HLCS: variants seen among roughly 807,000 people sequenced by gnomAD.
The protein encoded by HLCS is holocarboxylase synthetase.
A neutral mutation model predicts 75.0 loss-of-function variants in HLCS; 53 were observed. The ratio of observed to expected loss-of-function variants is 0.71; its 90% CI spans 0.57 to 0.89. HLCS has a LOEUF of 0.89. Ranked by LOEUF, HLCS falls within the 40% of genes least tolerant of loss-of-function variation. HLCS has a pLI of 0.00. For synonymous variants in HLCS, 431 were observed against 428.6 expected, an observed-to-expected ratio of 1.01 and a Z score of -0.07; for missense variants, 966 against 1,074.0, an observed-to-expected ratio of 0.90 and a Z score of 1.41.
chr21:36,953,334 A>G (rs1437135979), intron 2 of HLCS, among the ~76,000 whole-genome samples: 1 of 152,172 alleles, frequency 6.6e-6, no homozygotes, highest in Non-Finnish European at 1.5e-5. Context: ...GGCTAGATGA[A>G]GCTGACACTG....
intron 6 of HLCS, among the ~76,000 whole-genome samples, chr21:36,863,780 C>A (rs1024511263): frequency 6.6e-6 from 1 of 152,178 alleles, no homozygotes; most frequent in Non-Finnish European, 1.5e-5. Flanking sequence ...CTGCTCAAGA[C>A]CCAACAATTC....
At chr21:36,798,951 C>A (rs751721339) in intron 6 of HLCS, among the ~76,000 whole-genome samples, 17 of 152,272 alleles carry the variant, frequency 1.1e-4, no homozygotes, top group African/African-American at 2.9e-4. Flanking sequence ...ATATGTCTTG[C>A]AAATATTTTC....
At chr21:36,850,982 A>G (rs1185609828) in intron 6 of HLCS, among the ~76,000 whole-genome samples, 1 of 152,184 alleles carries the variant, frequency 6.6e-6, no homozygotes, top group Non-Finnish European at 1.5e-5. Context: ...GCTGTAGCCT[A>G]CGGCCACAGG....
chr21:36,809,650 TC>T (rs1216515831), intron 6 of HLCS, among the ~76,000 whole-genome samples: 2 of 152,222 alleles, frequency 1.3e-5, no homozygotes, highest in Non-Finnish European at 2.9e-5. Context: ...TCCATTTGGT[TC>T]TTCTTTTTAT....
chr21:36,866,224 G>GA (rs1302519466), intron 6 of HLCS, among the ~76,000 whole-genome samples: 5 of 151,686 alleles, frequency 3.3e-5, no homozygotes, highest in Non-Finnish European at 5.9e-5. Flanking sequence ...GAATGGTAAG[G>GA]GAAGGGCAGA....
intron 6 of HLCS, among the ~76,000 whole-genome samples, chr21:36,839,332 G>A (rs1486386564): frequency 6.6e-6 from 1 of 152,112 alleles, no homozygotes; most frequent in Non-Finnish European, 1.5e-5. Context: ...TGAAACTGCT[G>A]ACCATCTTCT....
At chr21:36,768,670 G>T (rs78884105) in intron 6 of HLCS, among the ~76,000 whole-genome samples, 2,163 of 152,326 alleles carry the variant, frequency 0.014, 55 homozygotes, top group African/African-American at 0.05. Context: ...CGCTTTCGGC[G>T]AGCAGGCTGG....
chr21:36,977,197 A>G (rs762767198), intron 1 of HLCS, among the ~76,000 whole-genome samples: 2 of 152,082 alleles, frequency 1.3e-5, no homozygotes, highest in Admixed American at 6.6e-5. Flanking sequence ...ATCTTCGTCC[A>G]GCAGAGGGGA....
rs1257097789 is a variant in HLCS at position 36,906,965 on chromosome 21, A to G, written c.1621-9834T>C. ...TGCGCTACCACCCAGTGGGGAGTGC[A>G]GTGGTGTGATTACAGCTCACTGCAG... On this transcript the variant is annotated intron_variant, in intron 5 of 10. Transcript: ENST00000674895. Among the ~76,000 whole-genome samples, 5 of 152,248 alleles carry G rather than the reference A, an allele frequency of 3.3e-5. No homozygotes were observed. In the East Asian group the frequency reaches 9.7e-4, roughly 29 times the overall value.
At chr21:36,793,465 A>ATG (rs2060934591) in intron 6 of HLCS, among the ~76,000 whole-genome samples, 1 of 151,678 alleles carries the variant, frequency 6.6e-6, no homozygotes, top group Admixed American at 6.6e-5. Flanking sequence ...CCATGCCCAA[A>ATG]TAATTTTTGT....
chr21:36,970,160 A>C (rs1054480221), upstream of HLCS, among the ~76,000 whole-genome samples: 17 of 152,152 alleles, frequency 1.1e-4, no homozygotes, highest in Admixed American at 3.3e-4. Context: ...ACTGACATTA[A>C]CTCAGTACCT....
At chr21:36,879,493 T>G (rs1387827511) in intron 6 of HLCS, among the ~76,000 whole-genome samples, 4 of 152,212 alleles carry the variant, frequency 2.6e-5, no homozygotes, top group Non-Finnish European at 4.4e-5. Flanking sequence ...AACAAACATA[T>G]TAAATACCAT....
At chr21:36,888,441 AAAAAATATATATATAT>A (rs1452366185) in intron 6 of HLCS, among the ~76,000 whole-genome samples, 21 of 31,544 alleles carry the variant, frequency 6.7e-4, no homozygotes, top group African/African-American at 2.2e-3. Flanking sequence ...TTAAAAAAAA[AAAAAATATATATATAT>A]ATATATATAT....
intron 6 of HLCS, among the ~76,000 whole-genome samples, chr21:36,771,690 G>A (rs1266215195): frequency 1.3e-5 from 2 of 152,094 alleles, no homozygotes; most frequent in African/African-American, 4.8e-5. Flanking sequence ...GTCCAATCAT[G>A]TTTTGAAGTA....
chr21:36,797,216 T>A (rs1338544807), intron 6 of HLCS, among the ~76,000 whole-genome samples: 1 of 152,068 alleles, frequency 6.6e-6, no homozygotes, highest in Non-Finnish European at 1.5e-5. Flanking sequence ...GGCTGTACCA[T>A]CCAAAGACAG....
At chr21:36,878,406 T>A (rs1569135962) in intron 6 of HLCS, among the ~76,000 whole-genome samples, 1 of 152,114 alleles carries the variant, frequency 6.6e-6, no homozygotes, top group Non-Finnish European at 1.5e-5. Context: ...CAATTCTAAT[T>A]TTAAAAGGAA....
intron 6 of HLCS, among the ~76,000 whole-genome samples, chr21:36,871,280 T>G (rs1160839507): frequency 6.6e-6 from 1 of 152,158 alleles, no homozygotes; most frequent in Non-Finnish European, 1.5e-5. Context: ...GATTTTTGTT[T>G]TAAATTTTGG....
At chr21:36,956,670 C>G (rs1287599021) in intron 2 of HLCS, among the ~76,000 whole-genome samples, 1 of 151,918 alleles carries the variant, frequency 6.6e-6, no homozygotes, top group Non-Finnish European at 1.5e-5. Context: ...GCAGGGTTGG[C>G]AGTGAGCCGA....
chr21:36,815,847 A>G (rs1158876338), intron 6 of HLCS, among the ~76,000 whole-genome samples: 1 of 152,200 alleles, frequency 6.6e-6, no homozygotes, highest in Non-Finnish European at 1.5e-5. Flanking sequence ...CGGTTCCTGG[A>G]TACCTTTGAC....
Sources: gnomAD v4.1 joint callset for allele counts (sites outside exome capture counted in the v4.1 genomes callset) on GRCh38, gnomAD v4.1.1 for gene constraint, MANE v1.5 for transcripts, NCBI Gene and HGNC (gene_info 2026-07-23, HGNC 2026-07-21) for gene names.